CLYBL: variants seen among roughly 807,000 people sequenced by gnomAD.
CLYBL encodes citramalyl-CoA lyase.
In CLYBL, 31 loss-of-function variants were observed where a neutral mutation model predicts 38.9. The observed-to-expected ratio is 0.80, with a 90% confidence interval of 0.60 to 1.08. CLYBL has a LOEUF of 1.08. Among genes scored for constraint, CLYBL ranks in the 50% least tolerant of loss-of-function variants. The pLI is 0.00. For missense variants in CLYBL, 434 were observed against 411.6 expected (o/e 1.05, Z -0.47); for synonymous variants, 171 against 158.6 (o/e 1.08, Z -0.59).
At chr13:99,876,561 T>C (rs2052049669) in intron 7 of CLYBL, among the ~76,000 whole-genome samples, 1 of 152,200 alleles carries the variant, frequency 6.6e-6, no homozygotes, top group Non-Finnish European at 1.5e-5. Context: ...TTCATATTTT[T>C]CCGGGTTTTA....
chr13:99,858,261 A>T (rs529934647), intron 2 of CLYBL, among the ~76,000 whole-genome samples: 1 of 152,312 alleles, frequency 6.6e-6, no homozygotes, highest in South Asian at 2.1e-4. Context: ...CTTCCACCTG[A>T]AGAAGTGGGA....
intron 1 of CLYBL, among the ~76,000 whole-genome samples, chr13:99,764,763 A>G (rs1341339441): frequency 2.0e-5 from 3 of 152,096 alleles, no homozygotes; most frequent in Admixed American, 2.0e-4. Flanking sequence ...TACAACCCTG[A>G]ACTCGTGGGC....
intron 1 of CLYBL, among the ~76,000 whole-genome samples, chr13:99,770,865 G>A (rs1328839256): frequency 1.3e-5 from 2 of 151,838 alleles, no homozygotes; most frequent in Non-Finnish European, 2.9e-5. Flanking sequence ...GAGATTACAG[G>A]TGTGTGCCAC....
At chr13:99,880,120 T>C (rs2052165069) in intron 7 of CLYBL, among the ~76,000 whole-genome samples, 1 of 145,694 alleles carries the variant, frequency 6.9e-6, no homozygotes, top group South Asian at 2.1e-4. Flanking sequence ...CAGGCTCGAG[T>C]ACAATGGCGG....
intron 2 of CLYBL, among the ~76,000 whole-genome samples, chr13:99,793,033 A>AAAACACACACACACACAC (rs368975807): frequency 0.016 from 2,289 of 146,006 alleles, 49 homozygotes; most frequent in African/African-American, 0.054. Flanking sequence ...GTGCATACAT[A>AAAACACACACACACACAC]ACACACACAC....
At position 99,866,266 on chromosome 13, in the gene CLYBL, G is replaced by A. The variant is rs745771592; in HGVS notation, c.661G>A (p.Asp221Asn). ...IGATSSKETLDILYARQKIVV... is the reference protein window; with the variant it reads ...IGATSSKETLNILYARQKIVV... ...TGCAACAAGTAGTAAAGAAACCCTG[G>A]ATATTCTCTACGCCCGGCAAAAGAT... Residue 221 changes from aspartate to asparagine, a missense_variant, in exon 6 of 9, where the codon GAT (aspartate) becomes AAT (asparagine). Transcript: ENST00000339105. 6.2e-7 allele frequency: 1 copy of A among 1,613,898 alleles called. No homozygotes were observed. Among genetic ancestry groups the A allele is most frequent in the Non-Finnish European group, 8.5e-7 (1 of 1,180,002 alleles).
intron 1 of CLYBL, among the ~76,000 whole-genome samples, chr13:99,745,777 TAGACTC>T (rs1455104077): frequency 2.6e-5 from 4 of 152,120 alleles, no homozygotes; most frequent in Non-Finnish European, 4.4e-5. Context: ...GTCTGGCAAT[TAGACTC>T]AGACTGTGTT....
chr13:99,871,132 T>C (rs3742254), intron 7 of CLYBL, 70 bp downstream of exon 7: 807,983 of 1,540,672 alleles, frequency 0.52, 218,465 homozygotes, highest in Admixed American at 0.58. Context: ...GAAACAAATA[T>C]GTTGTGTGAA....
chr13:99,659,212 GTGTGTA>G (rs1172822243), intron 1 of CLYBL, among the ~76,000 whole-genome samples: 1 of 151,446 alleles, frequency 6.6e-6, no homozygotes, highest in East Asian at 1.9e-4. Context: ...ATGTGTGTGT[GTGTGTA>G]TATATATATA....
chr13:99,863,304 G>A (rs1026457351), intron 4 of CLYBL, among the ~76,000 whole-genome samples: 1 of 152,174 alleles, frequency 6.6e-6, no homozygotes. Context: ...AGAAGGAAAA[G>A]CTTCCCAGTC....
intron 1 of CLYBL, among the ~76,000 whole-genome samples, chr13:99,769,742 A>G (rs1013576818): frequency 6.6e-6 from 1 of 152,174 alleles, no homozygotes; most frequent in Non-Finnish European, 1.5e-5. Flanking sequence ...CATACCTCAC[A>G]TGATACAGTG....
At chr13:99,606,865 C>T in intron 1 of CLYBL, 108 bp downstream of exon 1, 1 of 1,277,412 alleles carries the variant, frequency 7.8e-7, no homozygotes, top group Non-Finnish European at 9.9e-7. Flanking sequence ...TCACGGGAAC[C>T]CAGCCGGACG....
At chr13:99,626,919 C>T (rs2139220919) in intron 1 of CLYBL, among the ~76,000 whole-genome samples, 1 of 150,556 alleles carries the variant, frequency 6.6e-6, no homozygotes, top group South Asian at 2.1e-4. Flanking sequence ...AATAAACTGG[C>T]TCCAGTGGTG....
intron 1 of CLYBL, among the ~76,000 whole-genome samples, chr13:99,766,503 C>A (rs1222001903): frequency 6.6e-6 from 1 of 152,180 alleles, no homozygotes; most frequent in Non-Finnish European, 1.5e-5. Flanking sequence ...TACATATCAT[C>A]CTCTCATTTA....
chr13:99,881,689 A>G (rs2052215506), intron 7 of CLYBL, among the ~76,000 whole-genome samples: 1 of 152,112 alleles, frequency 6.6e-6, no homozygotes, highest in African/African-American at 2.4e-5. Flanking sequence ...GGTCTCCCAA[A>G]GTGATTACAA....
chr13:99,842,096 G>A (rs962742775), intron 2 of CLYBL, among the ~76,000 whole-genome samples: 11 of 152,146 alleles, frequency 7.2e-5, no homozygotes, highest in Non-Finnish European at 1.6e-4. Context: ...GGGATTACAG[G>A]CGTGAGCCAC....
chr13:99,760,377 T>C (rs1034390058), intron 1 of CLYBL, among the ~76,000 whole-genome samples: 1 of 152,260 alleles, frequency 6.6e-6, no homozygotes, highest in Non-Finnish European at 1.5e-5. Flanking sequence ...AGATGTTTAT[T>C]TCTTCATGTG....
intron 1 of CLYBL, among the ~76,000 whole-genome samples, chr13:99,658,483 C>T (rs1434538529): frequency 2.0e-5 from 3 of 152,332 alleles, no homozygotes; most frequent in East Asian, 3.9e-4. Context: ...GGGACTCTGA[C>T]TGAGGCCTTT....
chr13:99,648,813 G>C (rs1354539742), intron 1 of CLYBL, among the ~76,000 whole-genome samples: 1 of 151,858 alleles, frequency 6.6e-6, no homozygotes, highest in Non-Finnish European at 1.5e-5. Context: ...ACACATCAAG[G>C]TATCATTTTT....
Sources: gnomAD v4.1 joint callset for allele counts (sites outside exome capture counted in the v4.1 genomes callset) on GRCh38, gnomAD v4.1.1 for gene constraint, MANE v1.5 for transcripts, NCBI Gene and HGNC (gene_info 2026-07-23, HGNC 2026-07-21) for gene names.